The following TRPM6 variants were observed in gnomAD, a reference collection of about 807,000 sequenced individuals.
The protein encoded by TRPM6 is transient receptor potential cation channel subfamily M member 6.
TRPM6 carries 111 observed loss-of-function variants against 247.6 expected under a neutral mutation model. The ratio of observed to expected loss-of-function variants is 0.45; its 90% confidence interval spans 0.38 to 0.52. The LOEUF is 0.52. Ranked by LOEUF, TRPM6 falls within the 20% of genes least tolerant of loss-of-function variation. The pLI, the probability that TRPM6 is intolerant of heterozygous loss-of-function variation, is 0.00. For missense variants in TRPM6, 2,126 were observed against 2,421.5 expected, an observed-to-expected ratio of 0.88 and a Z score of 2.56; for synonymous variants, 892 against 853.8, an observed-to-expected ratio of 1.04 and a Z score of -0.78.
In TRPM6 at chr9:74,800,319, T is replaced by C. The variant is rs778891294; in HGVS notation, c.2173A>G (p.Thr725Ala). 6.2e-7 allele frequency: 1 copy of C among 1,614,164 alleles called. No homozygotes were observed. The highest frequency in any genetic ancestry group is 8.5e-7 in the Non-Finnish European group (1 of 1,180,030). The part of the protein sequence containing the change: ...GLRPFVSHTC[T>A]QMLLTDMWMG... Reference sequence around the variant, plus strand: ...CACATGTCTGTCAGTAGCATCTGGGTACAAGTATGTGAAACAAAGGGTCGT... The same window carrying C: ...CACATGTCTGTCAGTAGCATCTGGGCACAAGTATGTGAAACAAAGGGTCGT... The change falls in exon 17 of 39, where the codon ACC becomes GCC. Residue 725 changes from threonine to alanine, a missense_variant. Coordinates refer to ENST00000360774, the MANE Select transcript of TRPM6 (RefSeq NM_017662.5).
chr9:74,785,740 T>C (rs182030660), intron 21 of TRPM6, 134 bp downstream of exon 21: 15 of 971,214 alleles, frequency 1.5e-5, no homozygotes, highest in Non-Finnish European at 2.3e-5. Flanking sequence ...AGCCAGGATG[T>C]TCTTGATCTC....
intron 7 of TRPM6, among the ~76,000 whole-genome samples, chr9:74,824,403 C>T (rs1296187577): frequency 6.6e-6 from 1 of 151,430 alleles, no homozygotes; most frequent in African/African-American, 2.4e-5. Context: ...CCATCCACCT[C>T]AGCCTCCCAA....
chr9:74,750,290 AGTCT>A (rs1826198671), intron 30 of TRPM6, among the ~76,000 whole-genome samples: 1 of 152,250 alleles, frequency 6.6e-6, no homozygotes, highest in African/African-American at 2.4e-5. Context: ...TCAGGTGTTC[AGTCT>A]AAGTCTGTTT....
At chr9:74,824,642 C>T (rs1829266795) in intron 7 of TRPM6, among the ~76,000 whole-genome samples, 1 of 151,394 alleles carries the variant, frequency 6.6e-6, no homozygotes, top group Non-Finnish European at 1.5e-5. Context: ...ACTGTAAGGT[C>T]CCAGGGTGAG....
Position 74,739,802 on chromosome 9 carries a change from A to G in TRPM6, c.5408T>C (p.Val1803Ala). 1 of 1,614,188 alleles carries G rather than the reference A, an allele frequency of 6.2e-7. No individual in the cohort carries two copies. Residue 1803 changes from valine to alanine, a missense_variant, in exon 34 of 39, where the codon GTC becomes GCC. Val to Ala is a moderately conservative substitution (Grantham distance 64, BLOSUM62 0). This residue lies in a region of TRPM6 where 327 missense variants were observed against 397.7 expected (regional missense o/e 0.82). Coordinates refer to ENST00000360774, the MANE Select transcript of TRPM6 (RefSeq NM_017662.5). ...CACAACCTCAGGAAGAAAGGACTTG[A>G]CAATGAAAACTTGTCCCGGCTTGAG... ...DILKPGQVFI[V>A]KSFLPEVVRT...
At position 74,744,652 on chromosome 9, in the gene TRPM6, T is replaced by C. The variant is rs144994728; in HGVS notation, c.5084-507A>G. Among the ~76,000 whole-genome samples, 521 of 152,270 alleles carry C rather than the reference T, an allele frequency of 3.4e-3. 4 individuals carry two copies. The highest frequency in any genetic ancestry group is 0.012 in the African/African-American group (498 of 41,554). On this transcript the variant is annotated intron_variant, in intron 31 of 38. Transcript: ENST00000360774. ...GGTGGATAATATAGCACCAAGAGAT[T>C]TGTTTGGTTATACAAGGACTATGTG...
chr9:74,766,067 C>G (rs1365243418), intron 25 of TRPM6, among the ~76,000 whole-genome samples: 1 of 152,184 alleles, frequency 6.6e-6, no homozygotes, highest in Non-Finnish European at 1.5e-5. Context: ...TGAACTGTTT[C>G]ATCTAATTCA....
At chr9:74,785,622 G>A (rs374561307) in intron 21 of TRPM6, among the ~76,000 whole-genome samples, 17 of 151,858 alleles carry the variant, frequency 1.1e-4, no homozygotes, top group African/African-American at 2.7e-4. Context: ...TCCCGGGTTC[G>A]TGCTATTCTC....
chr9:74,831,134 T>C (rs1452012586), intron 6 of TRPM6, among the ~76,000 whole-genome samples: 1 of 152,176 alleles, frequency 6.6e-6, no homozygotes, highest in Non-Finnish European at 1.5e-5. Flanking sequence ...TACAGTACAG[T>C]ATGATACTAG....
At chr9:74,827,726 A>T in intron 7 of TRPM6, 52 bp downstream of exon 7, 2 of 1,587,122 alleles carry the variant, frequency 1.3e-6, no homozygotes, top group Non-Finnish European at 1.7e-6. Context: ...ACCATGAAAG[A>T]CCTCAGCAGG....
intron 18 of TRPM6, among the ~76,000 whole-genome samples, chr9:74,796,086 T>C (rs1296183404): frequency 1.3e-5 from 2 of 152,230 alleles, no homozygotes; most frequent in South Asian, 4.1e-4. Flanking sequence ...TGAAATCTTA[T>C]CTACCCCATC....
chr9:74,737,309 T>G, intron 36 of TRPM6: 1 of 1,229,272 alleles, frequency 8.1e-7, no homozygotes, highest in South Asian at 1.3e-5. Context: ...TGTCACATCC[T>G]TGAGCATGTG....
intron 18 of TRPM6, among the ~76,000 whole-genome samples, chr9:74,793,741 C>A (rs1939215693): frequency 6.6e-6 from 1 of 152,190 alleles, no homozygotes; most frequent in Non-Finnish European, 1.5e-5. Flanking sequence ...TGTTTGCCTG[C>A]AGTTCATGTG....
Position 74,749,567 on chromosome 9 carries a change from C to T in TRPM6, c.5057+1097G>A, listed in dbSNP as rs535838763. 7.2e-5 allele frequency among the ~76,000 whole-genome samples: 11 copies of T among 152,316 alleles called. No individual in the cohort carries two copies. In the South Asian group the frequency reaches 2.1e-3, roughly 29 times the overall value. ...AGCCTACAAATCAGTTTCATTAGCC[C>T]ACGTGGCTGCTAAATGTTCACAGGC... is the stretch of plus-strand genomic sequence containing the variant. On this transcript the variant is annotated intron_variant, in intron 30 of 38. Coordinates refer to ENST00000360774, the MANE Select transcript of TRPM6 (RefSeq NM_017662.5).
intron 1 of TRPM6, among the ~76,000 whole-genome samples, chr9:74,873,763 T>C (rs1423481567): frequency 6.6e-6 from 1 of 152,000 alleles, no homozygotes; most frequent in East Asian, 1.9e-4. Flanking sequence ...TTTTTAACTT[T>C]TTAACAGAAA....
At chr9:74,795,265 A>G (rs1329363495) in intron 18 of TRPM6, among the ~76,000 whole-genome samples, 2 of 152,126 alleles carry the variant, frequency 1.3e-5, no homozygotes, top group Non-Finnish European at 2.9e-5. Flanking sequence ...AAACCATCCT[A>G]TGCCCTGGAG....
At chr9:74,871,745 A>G (rs1240159803) in intron 1 of TRPM6, among the ~76,000 whole-genome samples, 1 of 151,912 alleles carries the variant, frequency 6.6e-6, no homozygotes, top group Non-Finnish European at 1.5e-5. Context: ...GGGTCTCACT[A>G]TATTGCCCAG....
At chr9:74,838,648 G>A (rs1231006421) in intron 5 of TRPM6, among the ~76,000 whole-genome samples, 1 of 152,234 alleles carries the variant, frequency 6.6e-6, no homozygotes, top group African/African-American at 2.4e-5. Flanking sequence ...AGTAAATGCT[G>A]TAGAAATTAA....
intron 1 of TRPM6, among the ~76,000 whole-genome samples, chr9:74,883,556 A>T (rs959508916): frequency 6.6e-6 from 1 of 152,222 alleles, no homozygotes; most frequent in Non-Finnish European, 1.5e-5. Context: ...TTGTGAAGAG[A>T]AAATGCTATA....
Sources: gnomAD v4.1 joint callset for allele counts (sites outside exome capture counted in the v4.1 genomes callset) on GRCh38, gnomAD v4.1.1 for gene constraint, gnomAD v4.1.1 regional missense constraint, MANE v1.5 for transcripts, NCBI Gene and HGNC (gene_info 2026-07-23, HGNC 2026-07-21) for gene names.